Variants in PHF24 observed in about 807,000 individuals in gnomAD.
PHF24 encodes the protein PHD finger protein 24.
Under a neutral mutation model 42.6 loss-of-function variants are expected in PHF24, and 25 were observed. The ratio of observed to expected loss-of-function variants is 0.59; its 90% CI spans 0.43 to 0.82. The LOEUF is 0.82. Ranked by LOEUF, PHF24 falls within the 40% of genes least tolerant of loss-of-function variation. PHF24 has a pLI of 0.00. For missense variants in PHF24, 470 were observed against 538.1 expected, an observed-to-expected ratio of 0.87 and a Z score of 1.25; for synonymous variants, 185 against 204.8, an observed-to-expected ratio of 0.90 and a Z score of 0.83.
the PHF24 span, among the ~76,000 whole-genome samples, chr9:34,814,112 G>A: frequency 6.6e-6 from 1 of 152,136 alleles, no homozygotes; most frequent in Non-Finnish European, 1.5e-5. Context: ...AAGGAAACAG[G>A]AAACCTCAAT....
the PHF24 span, among the ~76,000 whole-genome samples, chr9:34,745,908 G>A: frequency 6.6e-6 from 1 of 151,942 alleles, no homozygotes; most frequent in Admixed American, 6.6e-5. Flanking sequence ...CTCAACAAAA[G>A]TTTGATAAAA....
the PHF24 span, among the ~76,000 whole-genome samples, chr9:34,669,068 T>G: frequency 6.6e-6 from 1 of 152,164 alleles, no homozygotes; most frequent in African/African-American, 2.4e-5. Context: ...CTTCGAGTTG[T>G]CCCGCCTTTC....
intron 1 of PHF24, among the ~76,000 whole-genome samples, chr9:34,966,529 G>A (rs568544493): frequency 1.3e-5 from 2 of 152,274 alleles, no homozygotes; most frequent in African/African-American, 4.8e-5. Flanking sequence ...AGCTATGTGA[G>A]AGGATTGCTT....
the PHF24 span, among the ~76,000 whole-genome samples, chr9:34,936,725 C>T: frequency 2.7e-5 from 4 of 149,324 alleles, no homozygotes; most frequent in East Asian, 2.0e-4. Flanking sequence ...CCCACCGCCC[C>T]GTCTGGGATG....
At chr9:34,819,489 ATACAT>A in the PHF24 span, among the ~76,000 whole-genome samples, 3 of 152,276 alleles carry the variant, frequency 2.0e-5, no homozygotes, top group East Asian at 1.9e-4. Flanking sequence ...GCAATTTTTG[ATACAT>A]TACATTTTCA....
At chr9:34,972,439 T>C in exon 3 of PHF24, 3 of 1,614,206 alleles carry the variant, frequency 1.9e-6, no homozygotes, top group Non-Finnish European at 2.5e-6. Flanking sequence ...CCATGATGGC[T>C]GCCTGCGCCG....
the PHF24 span, among the ~76,000 whole-genome samples, chr9:34,936,007 T>A: frequency 1.7e-4 from 25 of 149,866 alleles, no homozygotes; most frequent in Admixed American, 1.6e-3. Flanking sequence ...AAAAAAAAAA[T>A]TGAGTCTCCC....
At chr9:34,945,423 G>A in the PHF24 span, among the ~76,000 whole-genome samples, 2 of 152,226 alleles carry the variant, frequency 1.3e-5, no homozygotes, top group Admixed American at 6.5e-5. Context: ...ATCAGAACAC[G>A]ACATAGGTCC....
chr9:34,671,961 T>C, the PHF24 span, among the ~76,000 whole-genome samples: 1 of 152,222 alleles, frequency 6.6e-6, no homozygotes. Context: ...ATCTGTATGT[T>C]CAACCATTAT....
At chr9:34,742,367 T>C in the PHF24 span, among the ~76,000 whole-genome samples, 20,468 of 152,112 alleles carry the variant, frequency 0.13, 1,492 homozygotes, top group Middle Eastern at 0.26. Flanking sequence ...ACCAATGACC[T>C]TGGACTCTGA....
chr9:34,751,544 T>C, the PHF24 span, among the ~76,000 whole-genome samples: 3 of 152,188 alleles, frequency 2.0e-5, no homozygotes, highest in Non-Finnish European at 4.4e-5. Context: ...GGCACCCAGA[T>C]ATATAAACAA....
At chr9:34,770,267 C>T in the PHF24 span, among the ~76,000 whole-genome samples, 3 of 152,012 alleles carry the variant, frequency 2.0e-5, no homozygotes, top group Admixed American at 2.0e-4. Context: ...CTAATGACCC[C>T]TAAAGACATG....
At chr9:34,763,233 A>G in the PHF24 span, among the ~76,000 whole-genome samples, 5 of 152,324 alleles carry the variant, frequency 3.3e-5, no homozygotes, top group South Asian at 1.0e-3. Flanking sequence ...AATTCTGTGA[A>G]GAAAGTCATT....
the PHF24 span, among the ~76,000 whole-genome samples, chr9:34,809,701 G>C: frequency 6.6e-6 from 1 of 152,212 alleles, no homozygotes; most frequent in Non-Finnish European, 1.5e-5. This position sits in a 1 kb window ranked among gnomAD's most constrained non-coding sequence, Gnocchi z 4.1. Context: ...GGCAGGAGCG[G>C]AACAAAGTGT....
the PHF24 span, chr9:34,922,454 G>T: frequency 1.5e-6 from 2 of 1,366,104 alleles, no homozygotes; most frequent in East Asian, 2.3e-5. Context: ...TTTCCTTTTT[G>T]CTGATTTCAA....
the PHF24 span, chr9:34,835,946 C>A: frequency 1.4e-6 from 1 of 735,050 alleles, no homozygotes; most frequent in East Asian, 2.7e-5. Flanking sequence ...TCATTCTCAT[C>A]CGCCAGCAAC....
chr9:34,941,647 C>T, the PHF24 span, among the ~76,000 whole-genome samples: 1 of 152,176 alleles, frequency 6.6e-6, no homozygotes, highest in Non-Finnish European at 1.5e-5. Flanking sequence ...AGACCAAGAT[C>T]AAGGCACTGG....
the PHF24 span, among the ~76,000 whole-genome samples, chr9:34,919,587 A>AT: frequency 6.6e-6 from 1 of 151,648 alleles, no homozygotes; most frequent in Non-Finnish European, 1.5e-5. Context: ...TCTTTTAGTT[A>AT]TTTTTTAATG....
At chr9:34,767,420 C>A in the PHF24 span, among the ~76,000 whole-genome samples, 1 of 152,246 alleles carries the variant, frequency 6.6e-6, no homozygotes, top group Non-Finnish European at 1.5e-5. Flanking sequence ...GGACGCCCCT[C>A]CCCCAGCCTC....
Sources: allele counts gnomAD v4.1 joint callset (sites outside exome capture counted in the v4.1 genomes callset), GRCh38; gene constraint gnomAD v4.1.1; non-coding constraint Gnocchi (gnomAD v3.1); transcripts MANE v1.5; gene names NCBI Gene and HGNC (gene_info 2026-07-23, HGNC 2026-07-21).